The following VPS50 variants were observed in gnomAD, a reference collection of about 807,000 sequenced individuals.
The protein encoded by VPS50 is VPS50 subunit of EARP/GARPII complex, also known as syndetin.
VPS50 carries 70 observed loss-of-function variants against 139.7 expected under a neutral mutation model. The ratio of observed to expected loss-of-function variants is 0.50; its 90% CI spans 0.41 to 0.61. VPS50 has a LOEUF of 0.61. Ranked by LOEUF, VPS50 falls within the 20% of genes least tolerant of loss-of-function variation. VPS50 has a pLI of 0.00. For synonymous variants in VPS50, 365 were observed against 376.7 expected (o/e 0.97, Z 0.36); for missense variants, 921 against 1,133.7 (o/e 0.81, Z 2.69).
chr7:93,233,977 C>A (rs1794721549), intron 1 of VPS50, among the ~76,000 whole-genome samples: 1 of 152,168 alleles, frequency 6.6e-6, no homozygotes, highest in South Asian at 2.1e-4. Context: ...GGTGGGAAAG[C>A]AGGAAAATTG....
At chr7:93,338,370 T>G (rs1455878346) in intron 22 of VPS50, among the ~76,000 whole-genome samples, 1 of 152,032 alleles carries the variant, frequency 6.6e-6, no homozygotes, top group Non-Finnish European at 1.5e-5. Flanking sequence ...AGAAATTAGG[T>G]GAGAAGGACA....
At chr7:93,320,052 T>C (rs1213006909) in intron 20 of VPS50, among the ~76,000 whole-genome samples, 1 of 152,120 alleles carries the variant, frequency 6.6e-6, no homozygotes, top group Non-Finnish European at 1.5e-5. Flanking sequence ...GTTTTCTTTG[T>C]GTGCCTGGTG....
chr7:93,277,666 T>C (rs1434964255), intron 12 of VPS50, among the ~76,000 whole-genome samples: 1 of 152,180 alleles, frequency 6.6e-6, no homozygotes, highest in Non-Finnish European at 1.5e-5. Flanking sequence ...GCTAAAAATA[T>C]CTTTTTAAAC....
At chr7:93,287,048 C>T (rs1346577049) in intron 12 of VPS50, among the ~76,000 whole-genome samples, 2 of 142,808 alleles carry the variant, frequency 1.4e-5, no homozygotes. Flanking sequence ...TTTCCTTAAA[C>T]TATTTATTGT....
At chr7:93,333,856 A>G (rs1472954985) in intron 21 of VPS50, 1 of 389,746 alleles carries the variant, frequency 2.6e-6, no homozygotes, top group Non-Finnish European at 4.6e-6. Flanking sequence ...CGAGAAAGAA[A>G]TTCTGGAGAA....
chr7:93,243,683 T>C (rs1210984052), intron 2 of VPS50, among the ~76,000 whole-genome samples: 2 of 151,976 alleles, frequency 1.3e-5, no homozygotes, highest in Non-Finnish European at 1.5e-5. Flanking sequence ...TTTTACTTAA[T>C]TGGTTACAAG....
At chr7:93,280,156 G>T (rs1266051054) in intron 12 of VPS50, among the ~76,000 whole-genome samples, 1 of 151,962 alleles carries the variant, frequency 6.6e-6, no homozygotes, top group Admixed American at 6.6e-5. Flanking sequence ...AAGTTTAGTT[G>T]GTTTTGAGCT....
At chr7:93,351,811 A>C (rs548713914) in intron 25 of VPS50, among the ~76,000 whole-genome samples, 1 of 152,338 alleles carries the variant, frequency 6.6e-6, no homozygotes, top group African/African-American at 2.4e-5. Context: ...GGTGCAAGAA[A>C]AAAAGATTTC....
At position 93,276,266 on chromosome 7, in the gene VPS50, C is replaced by A; in HGVS notation, c.903C>A (p.Asp301Glu). The A allele has an allele frequency of 6.2e-7, 1 of 1,613,554 alleles. No individual in the cohort carries two copies. The highest frequency in any genetic ancestry group is 8.5e-7 in the Non-Finnish European group (1 of 1,179,656). ...GYVELCAGNT[D>E]TKFQKLQYKD... ...TGGAACTATGTGCAGGAAACACAGA[C>A]ACAAAATTCCAAAAGCTGCAATATA... Residue 301 changes from aspartate (D) to glutamate (E), a missense_variant, in exon 12 of 28, where the codon GAC (aspartate) becomes GAA (glutamate). Around this residue, in one of 3 missense-constraint regions of VPS50, gnomAD observed 744 missense variants for 930.6 expected, o/e 0.80. Transcript: ENST00000305866.
intron 19 of VPS50, 105 bp downstream of exon 19, chr7:93,309,047 C>T (rs564195672): frequency 2.0e-6 from 1 of 497,188 alleles, no homozygotes; most frequent in Non-Finnish European, 3.5e-6. Context: ...TTTTTTGGTA[C>T]TTATAATGTC....
chr7:93,238,459 T>C (rs781344403), intron 1 of VPS50, among the ~76,000 whole-genome samples: 2 of 152,224 alleles, frequency 1.3e-5, no homozygotes, highest in Admixed American at 6.5e-5. Context: ...TCTGGAACTT[T>C]GCTAGCCACT....
At position 93,329,707 on chromosome 7, in the gene VPS50, A is replaced by G. The variant is rs373731458; in HGVS notation, c.1978-4410A>G. Among the ~76,000 whole-genome samples, 10 of 152,310 alleles carry G rather than the reference A, an allele frequency of 6.6e-5. No homozygotes were observed. The East Asian group carries it at 1.2e-3, about 18-fold the overall frequency. ...TAATCTGATTAACAGCTGACTTCCC[A>G]TTAAAAAGCTATGGGGATGAGAAGA... On this transcript the variant is annotated intron_variant, in intron 21 of 27. Transcript: ENST00000305866.
At chr7:93,303,067 G>T (rs959046756) in intron 16 of VPS50, among the ~76,000 whole-genome samples, 1 of 151,900 alleles carries the variant, frequency 6.6e-6, no homozygotes, top group South Asian at 2.1e-4. Flanking sequence ...TAATATGTTG[G>T]TATTTATGAT....
At chr7:93,331,571 A>G (rs1797942581) in intron 21 of VPS50, among the ~76,000 whole-genome samples, 1 of 152,144 alleles carries the variant, frequency 6.6e-6, no homozygotes, top group Admixed American at 6.5e-5. Context: ...CCTTCATACC[A>G]TACACAAGAA....
At chr7:93,315,836 ATTT>A (rs397890428) in intron 20 of VPS50, among the ~76,000 whole-genome samples, 3 of 140,862 alleles carry the variant, frequency 2.1e-5, no homozygotes. Flanking sequence ...AGTCCACCAG[ATTT>A]TTTTTTTTTT....
rs1795373562 is a variant in VPS50 at position 93,252,773 on chromosome 7, G to A, written c.223G>A (p.Glu75Lys). The change falls in exon 3 of 28, where the codon GAG becomes AAG. Residue 75 changes from glutamate to lysine, a missense_variant and splice_region_variant. This residue lies in a region of VPS50 where 744 missense variants were observed against 930.6 expected (regional missense o/e 0.80). Coordinates refer to ENST00000305866, the MANE Select transcript of VPS50 (RefSeq NM_017667.4). ...ATTTGATATTGTTAAATATGAGCTGGAGGTAAACAGAATTTCATTAAAACA... is the reference window on the plus strand; with the variant it reads ...ATTTGATATTGTTAAATATGAGCTGAAGGTAAACAGAATTTCATTAAAACA... ...DSFDIVKYEL[E>K]KLPPVLNLQE... is the part of the protein sequence containing the mutation. 1 of 1,577,758 alleles carries A rather than the reference G, an allele frequency of 6.3e-7. No individual in the cohort carries two copies. Among genetic ancestry groups the A allele is most frequent in the Admixed American group, 1.9e-5 (1 of 52,762 alleles).
At chr7:93,341,607 A>G in intron 23 of VPS50, 32 bp downstream of exon 23, 1 of 1,507,312 alleles carries the variant, frequency 6.6e-7, no homozygotes, top group Non-Finnish European at 9.0e-7. Context: ...CGTTGCCATT[A>G]AATATTTAAG....
chr7:93,325,742 A>G (rs1261168262), intron 21 of VPS50, among the ~76,000 whole-genome samples: 2 of 151,630 alleles, frequency 1.3e-5, no homozygotes, highest in Admixed American at 6.6e-5. Flanking sequence ...CAAAACCACA[A>G]TGAGATACCA....
chr7:93,278,473 T>C (rs1796225706), intron 12 of VPS50, among the ~76,000 whole-genome samples: 1 of 150,106 alleles, frequency 6.7e-6, no homozygotes, highest in South Asian at 2.1e-4. Flanking sequence ...GGCGCATGCC[T>C]GTAATCCCTG....
Sources: gnomAD v4.1 joint callset for allele counts (sites outside exome capture counted in the v4.1 genomes callset) on GRCh38, gnomAD v4.1.1 for gene constraint, gnomAD v4.1.1 regional missense constraint, MANE v1.5 for transcripts, NCBI Gene and HGNC (gene_info 2026-07-23, HGNC 2026-07-21) for gene names.